The following PLXDC2 variants were observed in gnomAD, a reference collection of about 807,000 sequenced individuals.
The protein encoded by PLXDC2 is plexin domain-containing protein 2.
Under a neutral mutation model 68.9 loss-of-function variants are expected in PLXDC2, and 40 were observed. The observed-to-expected ratio is 0.58, with a 90% confidence interval of 0.45 to 0.76. The LOEUF (loss-of-function observed/expected upper bound fraction) is 0.76, where lower values mean the gene tolerates loss of function less well. Among genes scored for constraint, PLXDC2 ranks in the 30% least tolerant of loss-of-function variants. The pLI is 0.00. For missense variants in PLXDC2, 644 were observed against 661.9 expected, an observed-to-expected ratio of 0.97 and a Z score of 0.30; for synonymous variants, 243 against 234.2, an observed-to-expected ratio of 1.04 and a Z score of -0.34.
Position 20,272,915 on chromosome 10 carries a change from C to T in PLXDC2, c.1474-6788C>T, listed in dbSNP as rs567545872. On this transcript the variant is annotated intron_variant, in intron 13 of 13. Transcript: ENST00000377252. ...TTAATTCAGAGAACTCCCAGTAACA[C>T]ACTTGGCTCCCAACAGTGAACTCAG... is the stretch of plus-strand genomic sequence containing the variant. Among the ~76,000 whole-genome samples the T allele has an allele frequency of 4.0e-4, 61 of 152,312 alleles. 1 individual carries two copies. The South Asian group carries it at 0.012, about 30-fold the overall frequency.
chr10:19,996,046 G>A (rs1412812428), intron 1 of PLXDC2, among the ~76,000 whole-genome samples: 1 of 152,188 alleles, frequency 6.6e-6, no homozygotes, highest in Admixed American at 6.5e-5. Flanking sequence ...GTGGATATAA[G>A]GAGTCATTCG....
chr10:19,900,982 TGTGTGTG>T (rs1321863255), intron 1 of PLXDC2, among the ~76,000 whole-genome samples: 2 of 24,412 alleles, frequency 8.2e-5, no homozygotes, highest in African/African-American at 3.3e-4. Flanking sequence ...ATATGTGTGA[TGTGTGTG>T]TGTGTGTGTG....
chr10:20,213,212 A>G (rs1835091900), intron 10 of PLXDC2, among the ~76,000 whole-genome samples: 1 of 151,946 alleles, frequency 6.6e-6, no homozygotes, highest in Admixed American at 6.6e-5. Context: ...AATCTATTCC[A>G]TTTGGAATTG....
At chr10:20,248,844 C>G (rs774860548) in intron 13 of PLXDC2, among the ~76,000 whole-genome samples, 20 of 152,096 alleles carry the variant, frequency 1.3e-4, no homozygotes, top group Admixed American at 3.3e-4. Context: ...TCTTTTCTTG[C>G]CTTTTATGTT....
intron 7 of PLXDC2, among the ~76,000 whole-genome samples, chr10:20,175,171 A>G (rs1834509463): frequency 6.6e-6 from 1 of 152,202 alleles, no homozygotes; most frequent in Non-Finnish European, 1.5e-5. Flanking sequence ...TGTATCTAAT[A>G]TGTATTGAGC....
At chr10:19,931,663 C>T (rs1317070328) in intron 1 of PLXDC2, among the ~76,000 whole-genome samples, 6 of 152,094 alleles carry the variant, frequency 3.9e-5, no homozygotes, top group African/African-American at 1.4e-4. Flanking sequence ...CTGCAGAGTT[C>T]CAGATTGAAC....
chr10:20,110,383 T>C (rs1196036817), intron 4 of PLXDC2, among the ~76,000 whole-genome samples: 1 of 152,204 alleles, frequency 6.6e-6, no homozygotes, highest in Non-Finnish European at 1.5e-5. Context: ...CCTTTCACCA[T>C]AAATTTGTTG....
intron 12 of PLXDC2, among the ~76,000 whole-genome samples, chr10:20,241,031 G>A (rs1835509028): frequency 6.6e-6 from 1 of 152,152 alleles, no homozygotes; most frequent in Non-Finnish European, 1.5e-5. Flanking sequence ...ATCCAAAAAT[G>A]TTATTAAATG....
intron 4 of PLXDC2, among the ~76,000 whole-genome samples, chr10:20,132,892 A>G (rs923986332): frequency 6.6e-6 from 1 of 152,012 alleles, no homozygotes; most frequent in Non-Finnish European, 1.5e-5. Context: ...TCTATTTTAT[A>G]GCCCTTTTCT....
intron 1 of PLXDC2, among the ~76,000 whole-genome samples, chr10:19,959,236 T>G (rs1834118587): frequency 6.6e-6 from 1 of 152,218 alleles, no homozygotes; most frequent in African/African-American, 2.4e-5. Context: ...ACAAAACTGT[T>G]GAATGATTTT....
chr10:19,967,360 C>G (rs1485895941), intron 1 of PLXDC2, among the ~76,000 whole-genome samples: 3 of 152,068 alleles, frequency 2.0e-5, no homozygotes, highest in Non-Finnish European at 2.9e-5. Context: ...AGGATAGGAA[C>G]TGCACTGTAT....
Position 20,099,143 on chromosome 10 carries a change from G to A in PLXDC2, c.541+30904G>A, listed in dbSNP as rs955146069. ...ACCCATGTATGTTTAACGCACTGCTGAGTTCTCTATTACTGCGGCCAAAAG... is the reference window on the plus strand; with the variant it reads ...ACCCATGTATGTTTAACGCACTGCTAAGTTCTCTATTACTGCGGCCAAAAG... On this transcript the variant is annotated intron_variant, in intron 4 of 13. Transcript: ENST00000377252. Among the ~76,000 whole-genome samples the A allele has an allele frequency of 5.1e-4, 78 of 152,228 alleles. 1 individual carries two copies. The highest frequency in any genetic ancestry group is 1.8e-3 in the African/African-American group (76 of 41,552).
chr10:19,926,273 A>G (rs1356586497), intron 1 of PLXDC2, among the ~76,000 whole-genome samples: 1 of 152,186 alleles, frequency 6.6e-6, no homozygotes, highest in Non-Finnish European at 1.5e-5. Flanking sequence ...TGCTTGGCCA[A>G]TGATCCAGGT....
chr10:19,961,812 G>A (rs1834157853), intron 1 of PLXDC2, among the ~76,000 whole-genome samples: 1 of 152,160 alleles, frequency 6.6e-6, no homozygotes, highest in African/African-American at 2.4e-5. Flanking sequence ...AAGCTTGATT[G>A]CTTTGCATGG....
At chr10:19,886,283 A>G (rs1477224852) in intron 1 of PLXDC2, among the ~76,000 whole-genome samples, 1 of 152,184 alleles carries the variant, frequency 6.6e-6, no homozygotes, top group East Asian at 1.9e-4. Flanking sequence ...CTAGATATAC[A>G]ATCATGTCGT....
At chr10:20,023,966 A>G (rs1428810019) in intron 2 of PLXDC2, among the ~76,000 whole-genome samples, 31 of 152,142 alleles carry the variant, frequency 2.0e-4, no homozygotes, top group Admixed American at 2.0e-3. Context: ...AACTGCCAGG[A>G]CATTGATTTT....
chr10:20,068,068 G>A, intron 3 of PLXDC2, 102 bp from the exon 4 acceptor site: 3 of 941,560 alleles, frequency 3.2e-6, no homozygotes, highest in South Asian at 1.7e-5. Flanking sequence ...TAATTATGGG[G>A]TAAAGTAGAA....
intron 9 of PLXDC2, among the ~76,000 whole-genome samples, chr10:20,204,518 C>T (rs913334813): frequency 6.6e-6 from 1 of 152,020 alleles, no homozygotes; most frequent in Non-Finnish European, 1.5e-5. Context: ...GTTGATGTTT[C>T]CATTAAGATA....
intron 12 of PLXDC2, among the ~76,000 whole-genome samples, chr10:20,229,650 C>T (rs756129796): frequency 5.9e-5 from 9 of 151,634 alleles, no homozygotes; most frequent in African/African-American, 9.7e-5. Context: ...TAATCTTCTT[C>T]GAAACAGCTA....
Sources: allele counts gnomAD v4.1 joint callset (sites outside exome capture counted in the v4.1 genomes callset), GRCh38; gene constraint gnomAD v4.1.1; transcripts MANE v1.5; gene names NCBI Gene and HGNC (gene_info 2026-07-23, HGNC 2026-07-21).